Variants in CSMD1 observed in about 807,000 individuals in gnomAD.
The protein encoded by CSMD1 is CUB and Sushi multiple domains 1, also known as CUB and sushi domain-containing protein 1.
A neutral mutation model predicts 417.5 loss-of-function variants in CSMD1; 213 were observed. The observed-to-expected ratio is 0.51, with a 90% confidence interval of 0.46 to 0.57. The LOEUF is 0.57. Ranked by LOEUF, CSMD1 falls within the 20% of genes least tolerant of loss-of-function variation. The probability of loss-of-function intolerance (pLI) is 0.00; values close to 1 mark genes in which losing one functional copy is unlikely to be tolerated. For missense variants in CSMD1, 6,923 were observed against 4,529.7 expected (o/e 1.53, Z -15.17); for synonymous variants, 2,862 against 1,736.8 (o/e 1.65, Z -16.11).
At chr8:3,330,802 G>T (rs1306646297) in intron 23 of CSMD1, among the ~76,000 whole-genome samples, 1 of 152,130 alleles carries the variant, frequency 6.6e-6, no homozygotes, top group East Asian at 1.9e-4. Flanking sequence ...TTTGAATTTT[G>T]TTGCTCTCCC....
chr8:3,551,515 G>A (rs368662442), intron 10 of CSMD1, among the ~76,000 whole-genome samples: 9 of 150,068 alleles, frequency 6.0e-5, no homozygotes, highest in East Asian at 1.9e-4. Context: ...GACCCTTTAC[G>A]TCCCTAACCA....
At chr8:4,914,057 G>C (rs964787325) in intron 1 of CSMD1, among the ~76,000 whole-genome samples, 5 of 152,132 alleles carry the variant, frequency 3.3e-5, no homozygotes, top group African/African-American at 1.2e-4. Context: ...ACAAATCTTA[G>C]TACGATACCT....
At chr8:4,279,539 T>C (rs1700029) in intron 3 of CSMD1, among the ~76,000 whole-genome samples, 7,192 of 152,266 alleles carry the variant, frequency 0.047, 276 homozygotes, top group South Asian at 0.14. Flanking sequence ...AGTGCAACTT[T>C]AGCAATGTAT....
intron 1 of CSMD1, among the ~76,000 whole-genome samples, chr8:4,912,826 C>G (rs1232654886): frequency 6.6e-6 from 1 of 151,928 alleles, no homozygotes; most frequent in Admixed American, 6.6e-5. Flanking sequence ...TGCTCTGTCT[C>G]CTAGACTAGA....
intron 5 of CSMD1, among the ~76,000 whole-genome samples, chr8:3,969,179 G>C (rs750971083): frequency 2.6e-5 from 4 of 152,166 alleles, no homozygotes; most frequent in Non-Finnish European, 4.4e-5. Context: ...GAACCTGGGA[G>C]GCAGTGGTTG....
chr8:4,679,278 C>A (rs750362990), intron 1 of CSMD1, among the ~76,000 whole-genome samples: 3 of 152,184 alleles, frequency 2.0e-5, no homozygotes, highest in Admixed American at 1.3e-4. Context: ...GAGAAGGTAG[C>A]TTGACCTTAC....
chr8:4,092,691 T>G (rs1378605387), intron 3 of CSMD1, among the ~76,000 whole-genome samples: 1 of 152,204 alleles, frequency 6.6e-6, no homozygotes, highest in Non-Finnish European at 1.5e-5. Flanking sequence ...TTGAATATTT[T>G]TCCTTAATGT....
chr8:3,905,147 T>A (rs1478257895), intron 5 of CSMD1, among the ~76,000 whole-genome samples: 1 of 152,098 alleles, frequency 6.6e-6, no homozygotes, highest in Non-Finnish European at 1.5e-5. Context: ...AATCCTTCCA[T>A]TTAAAGAATG....
chr8:4,332,526 T>C (rs1799924464), intron 3 of CSMD1, among the ~76,000 whole-genome samples: 1 of 148,996 alleles, frequency 6.7e-6, no homozygotes, highest in South Asian at 2.1e-4. Context: ...TTTTCCCCAG[T>C]AATACCCTTC....
intron 26 of CSMD1, among the ~76,000 whole-genome samples, chr8:3,261,230 G>A (rs899162498): frequency 3.3e-5 from 5 of 152,162 alleles, no homozygotes; most frequent in African/African-American, 1.2e-4. Context: ...TGTTGCATAG[G>A]AGGCAGAAAA....
intron 7 of CSMD1, among the ~76,000 whole-genome samples, chr8:3,676,460 T>A (rs950892731): frequency 1.3e-5 from 2 of 152,244 alleles, no homozygotes; most frequent in East Asian, 3.8e-4. Flanking sequence ...TAGAAATTAT[T>A]ACATGTTATA....
At chr8:3,828,471 CAG>C (rs946064641) in intron 5 of CSMD1, among the ~76,000 whole-genome samples, 162 of 152,266 alleles carry the variant, frequency 1.1e-3, no homozygotes, top group African/African-American at 3.8e-3. Flanking sequence ...CATGTGAATA[CAG>C]AAAATCACTT....
At chr8:3,282,234 GTAGGTTCA>G (rs1802794221) in intron 26 of CSMD1, among the ~76,000 whole-genome samples, 1 of 152,140 alleles carries the variant, frequency 6.6e-6, no homozygotes, top group Non-Finnish European at 1.5e-5. Flanking sequence ...ATGGGTCAGT[GTAGGTTCA>G]TTGATTGCAA....
At chr8:4,981,955 C>T (rs1028792784) in intron 1 of CSMD1, among the ~76,000 whole-genome samples, 3 of 152,112 alleles carry the variant, frequency 2.0e-5, no homozygotes, top group African/African-American at 4.8e-5. Context: ...AGGTGACAAC[C>T]GTGTGTGGCC....
chr8:3,244,597 A>C (rs1052850674), intron 26 of CSMD1, among the ~76,000 whole-genome samples: 3 of 152,166 alleles, frequency 2.0e-5, no homozygotes, highest in Non-Finnish European at 4.4e-5. Context: ...AATCATAGAC[A>C]CACGTTGAAC....
intron 5 of CSMD1, among the ~76,000 whole-genome samples, chr8:3,780,789 A>C (rs1477816608): frequency 6.6e-6 from 1 of 152,214 alleles, no homozygotes; most frequent in East Asian, 1.9e-4. Context: ...TCTAAAAGAA[A>C]GTAATTCAAT....
chr8:4,012,191 C>G (rs976856384), intron 4 of CSMD1, among the ~76,000 whole-genome samples: 1 of 152,052 alleles, frequency 6.6e-6, no homozygotes, highest in East Asian at 1.9e-4. Flanking sequence ...ACAGGGCTGA[C>G]TGTATATGAT....
chr8:3,377,945 A>G (rs541327087), intron 18 of CSMD1, among the ~76,000 whole-genome samples: 50 of 152,306 alleles, frequency 3.3e-4, no homozygotes, highest in Admixed American at 2.4e-3. Flanking sequence ...CTGAATATTA[A>G]AAGAATTGAG....
chr8:3,603,474 C>G (rs779382809), intron 8 of CSMD1, among the ~76,000 whole-genome samples: 3 of 152,138 alleles, frequency 2.0e-5, no homozygotes, highest in Non-Finnish European at 4.4e-5. Flanking sequence ...CCCACTTTGT[C>G]CTCCTTCACC....
Sources: gnomAD v4.1 joint callset for allele counts (sites outside exome capture counted in the v4.1 genomes callset) on GRCh38, gnomAD v4.1.1 for gene constraint, MANE v1.5 for transcripts, NCBI Gene and HGNC (gene_info 2026-07-23, HGNC 2026-07-21) for gene names.